GABRQ: variants seen among roughly 807,000 people sequenced by gnomAD.
The protein encoded by GABRQ is gamma-aminobutyric acid receptor subunit theta.
In GABRQ, 19 loss-of-function variants were observed where a neutral mutation model predicts 30.5. The ratio of observed to expected loss-of-function variants is 0.62; its 90% CI spans 0.43 to 0.91. The LOEUF is 0.91. Ranked by LOEUF, GABRQ falls within the 40% of genes least tolerant of loss-of-function variation. GABRQ has a pLI of 0.00. For synonymous variants in GABRQ, 187 were observed against 210.2 expected, an observed-to-expected ratio of 0.89 and a Z score of 0.95; for missense variants, 520 against 521.4, an observed-to-expected ratio of 1.00 and a Z score of 0.03.
chrX:152,639,378 G>GCACACACACA (rs199710373), intron 1 of GABRQ, among the ~76,000 whole-genome samples: 128 of 103,359 alleles, frequency 1.2e-3, no homozygotes, highest in African/African-American at 4.4e-3. Flanking sequence ...ATGCGCGTGC[G>GCACACACACA]CACACACACA....
chrX:152,640,487 A>G (rs782379375), intron 2 of GABRQ, 21 bp downstream of exon 2: 9 of 1,007,278 alleles, frequency 8.9e-6, no homozygotes, highest in African/African-American at 1.9e-5. Flanking sequence ...TCCAGACACT[A>G]GAGAACTTGG....
rs372765591 is a variant in GABRQ, at chrX:152,652,864, C to A, written c.1482C>A (p.Thr494=). The A allele has an allele frequency of 2.2e-5, 27 of 1,209,793 alleles. No homozygotes were observed. The African/African-American group carries it at 2.3e-4, about 10-fold the overall frequency. The stretch of plus-strand genomic sequence containing the variant: ...TCGAAGCCCATGGCCATGGTGTTAC[C>A]CATGACCATGAAGATTCCAATGAGA... ...NRVEAHGHGV[T]HDHEDSNESL... Residue 494 remains threonine (T), a synonymous_variant, in exon 9 of 9, where the codon ACC becomes ACA. Transcript: ENST00000598523.
chrX:152,646,953 C>T lies in GABRQ; in HGVS notation c.312C>T (p.Tyr104=). Residue 104 remains tyrosine (Y), a synonymous_variant, in exon 4 of 9, where the codon TAC becomes TAT. Transcript: ENST00000598523. ...ATTTACATTTGTCTTCCCAGGACTACACGATCACGATGTTTTTTCATCAGA... is the reference window on the plus strand; with the variant it reads ...ATTTACATTTGTCTTCCCAGGACTATACGATCACGATGTTTTTTCATCAGA... ...IEQISEMNMD[Y]TITMFFHQTW... is the part of the protein sequence containing the mutation. The T allele has an allele frequency of 8.4e-7, 1 of 1,195,461 alleles. No homozygotes were observed. The highest frequency in any genetic ancestry group is 3.0e-5 in the East Asian group (1 of 33,772).
chrX:152,640,145 ACC>A (rs2124905885), intron 1 of GABRQ, among the ~76,000 whole-genome samples: 1 of 104,749 alleles, frequency 9.5e-6, no homozygotes, highest in South Asian at 4.2e-4. Flanking sequence ...TCTGAGCCCC[ACC>A]CTCTGGATTA....
chrX:152,657,331 G>A lies in GABRQ; in HGVS notation c.*4050G>A, dbSNP rs1556821281. The A allele has an allele frequency of 9.0e-6, 1 of 111,632 alleles. No individual in the cohort carries two copies. The highest frequency in any genetic ancestry group is 3.3e-5 in the African/African-American group (1 of 30,636). 9.2% of individuals were successfully genotyped at this position (111,632 alleles called of 1,213,427 possible). A position where few individuals can be genotyped will look rare whatever the true frequency, so the allele number is the denominator to read the frequency against. On this transcript the variant is annotated 3_prime_UTR_variant, in exon 9 of 9. Coordinates refer to ENST00000598523, the MANE Select transcript of GABRQ (RefSeq NM_018558.4). The stretch of plus-strand genomic sequence containing the variant: ...GTCCTGGACGACCTGACCCAAAAAG[G>A]GGCACAAAGCAGCAGAGCTTCACCA...
At chrX:152,648,030 G>A (rs1241922701) in intron 4 of GABRQ, among the ~76,000 whole-genome samples, 1 of 112,026 alleles carries the variant, frequency 8.9e-6, no homozygotes, top group Non-Finnish European at 1.9e-5. Flanking sequence ...AAGACTCACA[G>A]GGAACAGGTC....
chrX:152,645,731 C>A, intron 3 of GABRQ, 137 bp downstream of exon 3: 1 of 433,756 alleles, frequency 2.3e-6, no homozygotes, highest in Non-Finnish European at 4.1e-6. Flanking sequence ...GACACTGCAG[C>A]CATTCAGAAT....
intron 1 of GABRQ, among the ~76,000 whole-genome samples, chrX:152,638,634 G>A (rs782494488): frequency 2.7e-5 from 3 of 112,070 alleles, no homozygotes; most frequent in Non-Finnish European, 3.8e-5. Flanking sequence ...GTGGGGGCGG[G>A]GGTCGCCCTC....
In GABRQ at chrX:152,640,472, G is replaced by C. The variant is rs782269964; in HGVS notation, c.238+6G>C. The C allele has an allele frequency of 9.1e-7, 1 of 1,099,667 alleles. No homozygotes were observed. The highest frequency in any genetic ancestry group is 1.3e-6 in the Non-Finnish European group (1 of 793,098). 90.6% of individuals were successfully genotyped at this position (1,099,667 alleles called of 1,213,427 possible). A position where few individuals can be genotyped will look rare whatever the true frequency, so the allele number is the denominator to read the frequency against. On this transcript the variant is annotated splice_donor_region_variant and intron_variant, in intron 2 of 8. Coordinates refer to ENST00000598523, the MANE Select transcript of GABRQ (RefSeq NM_018558.4). ...CCTGAGACCGAATTTTGGAGGTAAG[G>C]CATATCCAGACACTAGAGAACTTGG...
intron 4 of GABRQ, among the ~76,000 whole-genome samples, chrX:152,647,506 C>T (rs1930917755): frequency 8.9e-6 from 1 of 111,964 alleles, no homozygotes; most frequent in Non-Finnish European, 1.9e-5. Context: ...ATTCCCTCAA[C>T]TGAAAGACCT....
intron 2 of GABRQ, among the ~76,000 whole-genome samples, chrX:152,644,816 GTA>G (rs782779496): frequency 1.2e-3 from 131 of 111,847 alleles, no homozygotes; most frequent in African/African-American, 4.2e-3. Context: ...AAACTCATAT[GTA>G]TATATGTTCA....
chrX:152,638,407 C>G, intron 1 of GABRQ, 56 bp downstream of exon 1: 3 of 1,120,386 alleles, frequency 2.7e-6, no homozygotes, highest in Non-Finnish European at 2.4e-6. Flanking sequence ...GACGGGCAGA[C>G]GACCTCTGGC....
intron 2 of GABRQ, among the ~76,000 whole-genome samples, chrX:152,644,958 TACAAC>T (rs1377991589): frequency 1.8e-5 from 2 of 112,052 alleles, no homozygotes; most frequent in Non-Finnish European, 3.8e-5. Flanking sequence ...TTTACTTCTG[TACAAC>T]ACACTCAAGC....
In GABRQ at chrX:152,638,000, G is replaced by A. The variant is rs1930650984; in HGVS notation, c.-203G>A. ...GCTGCTGGGTGGTTGCTCCTCCCGG[G>A]CTCTCATCTCCGGTATCCGGGCCGA... On this transcript the variant is annotated 5_prime_UTR_variant, in exon 1 of 9. Coordinates refer to ENST00000598523, the MANE Select transcript of GABRQ (RefSeq NM_018558.4). Among the ~76,000 whole-genome samples, 1 of 113,107 alleles carries A rather than the reference G, an allele frequency of 8.8e-6. No homozygotes were observed. Among genetic ancestry groups the A allele is most frequent in the Admixed American group, 9.2e-5 (1 of 10,884 alleles).
At position 152,638,180 on chromosome X, in the gene GABRQ, C is replaced by T. The variant is rs1556817702; in HGVS notation, c.-23C>T. On this transcript the variant is annotated 5_prime_UTR_variant, in exon 1 of 9. Coordinates refer to ENST00000598523, the MANE Select transcript of GABRQ (RefSeq NM_018558.4). ...TTCGCGGCCCCGTCTCCCGCGCCCT[C>T]AGGCGCCCAGAACGCCCCGGCCATG... is the stretch of plus-strand genomic sequence containing the variant. 1.7e-6 allele frequency: 2 copies of T among 1,204,601 alleles called. No homozygotes were observed. The highest frequency in any genetic ancestry group is 2.2e-6 in the Non-Finnish European group (2 of 891,124).
At chrX:152,640,506 T>A in intron 2 of GABRQ, 40 bp downstream of exon 2, 2 of 847,530 alleles carry the variant, frequency 2.4e-6, no homozygotes, top group Non-Finnish European at 3.6e-6. Flanking sequence ...GGGTTAGGTG[T>A]CCTAGAGCTG....
chrX:152,647,539 T>C (rs1392422965), intron 4 of GABRQ, among the ~76,000 whole-genome samples: 1 of 112,212 alleles, frequency 8.9e-6, no homozygotes, highest in Non-Finnish European at 1.9e-5. Flanking sequence ...TAGTGTTGCA[T>C]GCATTCTGTT....
At chrX:152,644,231 C>G (rs149642232) in intron 2 of GABRQ, among the ~76,000 whole-genome samples, 388 of 111,455 alleles carry the variant, frequency 3.5e-3, no homozygotes, top group Middle Eastern at 0.014. Context: ...TCAAAAACGA[C>G]ACATATTAAC....
Position 152,646,850 on chromosome X carries a change from C to T in GABRQ, c.307-98C>T, listed in dbSNP as rs144644261. 3.3e-4 allele frequency: 181 copies of T among 540,803 alleles called. No homozygotes were observed. In the African/African-American group the frequency reaches 3.4e-3, roughly 10 times the overall value. The allele number at this position is 540,803 out of a possible 1,213,427, so 44.6% of individuals were successfully genotyped here. On this transcript the variant is annotated intron_variant, in intron 3 of 8. Coordinates refer to ENST00000598523, the MANE Select transcript of GABRQ (RefSeq NM_018558.4). ...ATGATATACTTCATACACTTGCATA[C>T]ACAAGTGCATGCACACATACACACA... is the stretch of plus-strand genomic sequence containing the variant.
Sources: gnomAD v4.1 joint callset for allele counts (sites outside exome capture counted in the v4.1 genomes callset) on GRCh38, gnomAD v4.1.1 for gene constraint, MANE v1.5 for transcripts, NCBI Gene and HGNC (gene_info 2026-07-23, HGNC 2026-07-21) for gene names.